SARDH: variants seen among roughly 807,000 people sequenced by gnomAD.
SARDH encodes sarcosine dehydrogenase, mitochondrial.
SARDH carries 95 observed loss-of-function variants against 109.1 expected under a neutral mutation model. The observed-to-expected ratio is 0.87, with a 90% CI of 0.74 to 1.03. SARDH has a LOEUF of 1.03. Ranked by LOEUF, SARDH falls within the 50% of genes least tolerant of loss-of-function variation. SARDH has a pLI of 0.00. For synonymous variants in SARDH, 572 were observed against 534.8 expected, an observed-to-expected ratio of 1.07 and a Z score of -0.96; for missense variants, 1,267 against 1,287.8, an observed-to-expected ratio of 0.98 and a Z score of 0.25.
downstream of SARDH, among the ~76,000 whole-genome samples, chr9:133,663,374 G>A (rs935135155): frequency 6.6e-6 from 1 of 152,264 alleles, no homozygotes; most frequent in African/African-American, 2.4e-5. Flanking sequence ...TGAGAGCCGA[G>A]AGGCACCATC....
chr9:133,717,614 C>T (rs1020577743), intron 7 of SARDH, among the ~76,000 whole-genome samples, 159 bp from the exon 8 acceptor site: 1 of 152,104 alleles, frequency 6.6e-6, no homozygotes, highest in African/African-American at 2.4e-5. Context: ...TTGTCTCCCC[C>T]ACCCACCAAC....
At chr9:133,665,610 G>A (rs906958220) in intron 20 of SARDH, among the ~76,000 whole-genome samples, 2 of 152,192 alleles carry the variant, frequency 1.3e-5, no homozygotes, top group African/African-American at 2.4e-5. Flanking sequence ...GGCATCAAGT[G>A]TGTCCCCAGC....
chr9:133,663,217 G>A (rs9409840), downstream of SARDH, among the ~76,000 whole-genome samples: 133 of 152,346 alleles, frequency 8.7e-4, no homozygotes, highest in Middle Eastern at 0.017. Context: ...TTCTGTGTGG[G>A]TGAGGAGGGC....
In SARDH at chr9:133,734,156, T is replaced by C; in HGVS notation, c.18A>G (p.Arg6=). 1 of 1,599,432 alleles carries C rather than the reference T, an allele frequency of 6.3e-7. No homozygotes were observed. Among genetic ancestry groups the C allele is most frequent in the Non-Finnish European group, 8.5e-7 (1 of 1,173,384 alleles). ...GGTGGGCAGCAGCCACACGTAGGGCTCGGCTCAGTGAGGCCATGGGGGCTC... is the reference window on the plus strand; with the variant it reads ...GGTGGGCAGCAGCCACACGTAGGGCCCGGCTCAGTGAGGCCATGGGGGCTC... The part of the protein sequence containing the change: MASLS[R]ALRVAAAHPR... The change falls in exon 2 of 21, where the codon CGA becomes CGG. Residue 6 remains arginine (R), a synonymous_variant. Coordinates refer to ENST00000439388, the MANE Select transcript of SARDH (RefSeq NM_001134707.2).
At chr9:133,730,476 A>ATTTTTTTT in intron 4 of SARDH, among the ~76,000 whole-genome samples, 1 of 148,162 alleles carries the variant, frequency 6.7e-6, no homozygotes, top group East Asian at 2.2e-4. Flanking sequence ...TTTTTAAAAA[A>ATTTTTTTT]AAAAAGCAAG....
Position 133,671,667 on chromosome 9 carries a change from C to G in SARDH, c.2194G>C (p.Glu732Gln), listed in dbSNP as rs1449599599. 4 of 1,589,316 alleles carry G rather than the reference C, an allele frequency of 2.5e-6. No individual in the cohort carries two copies. The highest frequency in any genetic ancestry group is 3.4e-6 in the Non-Finnish European group (4 of 1,168,202). The change falls in exon 18 of 21, where the codon GAG becomes CAG. Residue 732 changes from glutamate to glutamine, a missense_variant. Coordinates refer to ENST00000439388, the MANE Select transcript of SARDH (RefSeq NM_001134707.2). ...GGAATGTGCAGCTCCCAGCCCAGCT[C>G]CCCCACAAAGGACAGCCGCATGGCT... ...VRAMRLSFVGELGWELHIPKA... is the reference protein window; with the variant it reads ...VRAMRLSFVGQLGWELHIPKA...
In SARDH at chr9:133,732,466, G is replaced by A. The variant is rs1351144782; in HGVS notation, c.467C>T (p.Ala156Val). Residue 156 changes from alanine (A) to valine (V), a missense_variant, in exon 3 of 21, where the codon GCG (alanine) becomes GTG (valine). Ala to Val is a moderately conservative substitution (Grantham distance 64, BLOSUM62 0). Transcript: ENST00000439388. ...CTCGTCCAGGCGCTGCCGGTTGGACGCGATGAAGAGGCCCCCATTCTGGAT... is the reference window on the plus strand; with the variant it reads ...CTCGTCCAGGCGCTGCCGGTTGGACACGATGAAGAGGCCCCCATTCTGGAT... ...GWIQNGGLFI[A>V]SNRQRLDEYK... is the part of the protein sequence containing the mutation. 3 of 1,612,530 alleles carry A rather than the reference G, an allele frequency of 1.9e-6. No individual in the cohort carries two copies. The highest frequency in any genetic ancestry group is 2.7e-5 in the African/African-American group (2 of 74,572).
chr9:133,694,451 C>A, intron 14 of SARDH, 80 bp from the exon 15 acceptor site: 1 of 1,161,110 alleles, frequency 8.6e-7, no homozygotes, highest in South Asian at 1.3e-5. Context: ...CAGGGCCGCT[C>A]ACAGGGGCAG....
Position 133,666,646 on chromosome 9 carries a change from C to CG in SARDH, c.2631+88dup. On this transcript the variant is annotated intron_variant, in intron 20 of 20. Coordinates refer to ENST00000439388, the MANE Select transcript of SARDH (RefSeq NM_001134707.2). The surrounding 1 kb of genome is among the most constrained non-coding windows in gnomAD (Gnocchi z 5.2). ...CACACCCGTGCCTCCTCCCTATGCC[C>CG]GGCACACTCAGGGTGCAGTGCAGGG... The CG allele has an allele frequency of 6.6e-7, 1 of 1,515,624 alleles. No homozygotes were observed. The highest frequency in any genetic ancestry group is 1.4e-5 in the African/African-American group (1 of 72,590). The allele number at this position is 1,515,624 out of a possible 1,614,324, so 93.9% of individuals were successfully genotyped here.
intron 10 of SARDH, among the ~76,000 whole-genome samples, chr9:133,710,542 G>A (rs1008966840): frequency 6.6e-6 from 1 of 152,268 alleles, no homozygotes; most frequent in African/African-American, 2.4e-5. Context: ...GCGTGTTCTG[G>A]CTCTGGCCTG....
At chr9:133,717,886 A>G (rs1557648) in intron 7 of SARDH, among the ~76,000 whole-genome samples, 34,890 of 151,832 alleles carry the variant, frequency 0.23, 4,210 homozygotes, top group Admixed American at 0.28. Context: ...GCAGTTCTTC[A>G]CCCAGACCTG....
chr9:133,704,654 C>A lies in SARDH; in HGVS notation c.1554+294G>T, dbSNP rs550728901. On this transcript the variant is annotated intron_variant, in intron 12 of 20. Coordinates refer to ENST00000439388, the MANE Select transcript of SARDH (RefSeq NM_001134707.2). This position sits in a 1 kb window ranked among gnomAD's most constrained non-coding sequence, Gnocchi z 4.5. ...CTTGCTGTCTCCCCACCGCAGGACA[C>A]CCCTTCTGCTCTGCCTACAGCCCTT... 6.6e-6 allele frequency among the ~76,000 whole-genome samples: 1 copy of A among 152,222 alleles called. No homozygotes were observed. The highest frequency in any genetic ancestry group is 2.4e-5 in the African/African-American group (1 of 41,454).
intron 10 of SARDH, among the ~76,000 whole-genome samples, chr9:133,710,062 G>A (rs559180469): frequency 2.0e-5 from 3 of 152,280 alleles, no homozygotes; most frequent in African/African-American, 7.2e-5. Context: ...GGCCGGCCCA[G>A]ACCACCCTTT....
In SARDH at chr9:133,670,753, C is replaced by A. The variant is rs749553245; in HGVS notation, c.2327-1G>T. 13 of 1,567,280 alleles carry A rather than the reference C, an allele frequency of 8.3e-6. No homozygotes were observed. In the East Asian group the frequency reaches 2.7e-4, roughly 33 times the overall value. On this transcript the variant is annotated splice_acceptor_variant, in intron 18 of 20. Coordinates refer to ENST00000439388, the MANE Select transcript of SARDH (RefSeq NM_001134707.2). LOFTEE classifies it high-confidence loss of function. ...AGGTCCGCGTGCCAGTGCCGGTAGC[C>A]TGTGGGAAGGGAATCCATGGGGTCG...
intron 19 of SARDH, among the ~76,000 whole-genome samples, chr9:133,668,362 CCTCACCCTCATTCTCCCTCAGCCTCCCT>C: frequency 1.7e-5 from 2 of 119,632 alleles, no homozygotes; most frequent in African/African-American, 6.9e-5. Context: ...CCTCCCTCTC[CCTCACCCTCATTCTCCCTCAGCCTCCCT>C]CTCCCTCTCC....
chr9:133,729,962 G>C, intron 5 of SARDH, 97 bp from the exon 6 acceptor site: 1 of 1,589,398 alleles, frequency 6.3e-7, no homozygotes, highest in Non-Finnish European at 8.6e-7. Flanking sequence ...GTCTGCCCTA[G>C]CAGGGGCTCC....
chr9:133,734,066 G>C lies in SARDH; in HGVS notation c.108C>G (p.Ala36=), dbSNP rs766238800. Residue 36 remains alanine, a synonymous_variant, in exon 2 of 21, where the codon GCC becomes GCG. Coordinates refer to ENST00000439388, the MANE Select transcript of SARDH (RefSeq NM_001134707.2). ...CNLSSAAGPT[A]EKSVPYQRTL... ...TCCGCTGATATGGCACACTCTTCTCGGCTGTGGGGCCAGCTGCGCTGGACA... is the reference window on the plus strand; with the variant it reads ...TCCGCTGATATGGCACACTCTTCTCCGCTGTGGGGCCAGCTGCGCTGGACA... The C allele has an allele frequency of 6.2e-7, 1 of 1,613,266 alleles. No individual in the cohort carries two copies. Among genetic ancestry groups the C allele is most frequent in the South Asian group, 1.1e-5 (1 of 91,068 alleles).
At chr9:133,682,237 C>G (rs765962049) in intron 17 of SARDH, among the ~76,000 whole-genome samples, 1 of 152,122 alleles carries the variant, frequency 6.6e-6, no homozygotes, top group African/African-American at 2.4e-5. Context: ...CAGCTGAGGG[C>G]GTTCCAAGTG....
intron 6 of SARDH, among the ~76,000 whole-genome samples, chr9:133,729,288 C>A (rs1042148913): frequency 6.6e-6 from 1 of 152,028 alleles, no homozygotes; most frequent in Admixed American, 6.5e-5. Flanking sequence ...GCAGGAGGCA[C>A]CCAGCCCCAG....
Sources: allele counts gnomAD v4.1 joint callset (sites outside exome capture counted in the v4.1 genomes callset), GRCh38; gene constraint gnomAD v4.1.1; non-coding constraint Gnocchi (gnomAD v3.1); transcripts MANE v1.5; gene names NCBI Gene and HGNC (gene_info 2026-07-23, HGNC 2026-07-21).